Variants in ENTREP2 observed in about 807,000 individuals in gnomAD.
ENTREP2 encodes the protein endosomal transmembrane epsin interactor 2, also known as protein ENTREP2.
the ENTREP2 span, among the ~76,000 whole-genome samples, chr15:29,667,195 T>TC: frequency 5.3e-5 from 8 of 151,142 alleles, no homozygotes; most frequent in African/African-American, 1.2e-4. Context: ...TTCTTTCCTT[T>TC]TTTTTTTTTT....
At chr15:29,397,816 G>A in the ENTREP2 span, among the ~76,000 whole-genome samples, 1 of 152,042 alleles carries the variant, frequency 6.6e-6, no homozygotes, top group East Asian at 1.9e-4. Flanking sequence ...GAAAAAAGGG[G>A]GAACTTCCAA....
At chr15:29,208,039 G>T in the ENTREP2 span, among the ~76,000 whole-genome samples, 5 of 152,104 alleles carry the variant, frequency 3.3e-5, no homozygotes, top group African/African-American at 1.2e-4. Context: ...TCCCCTGGGG[G>T]GCTTACAAAT....
the ENTREP2 span, among the ~76,000 whole-genome samples, chr15:29,392,586 T>C: frequency 6.6e-6 from 1 of 152,216 alleles, no homozygotes. Context: ...CTCTAAAGAC[T>C]TTTGAGATCA....
At chr15:29,650,671 T>C in the ENTREP2 span, among the ~76,000 whole-genome samples, 1 of 152,080 alleles carries the variant, frequency 6.6e-6, no homozygotes, top group African/African-American at 2.4e-5. Flanking sequence ...GGTACAAATG[T>C]AGGTACACAA....
the ENTREP2 span, among the ~76,000 whole-genome samples, chr15:29,500,554 T>C: frequency 6.6e-6 from 1 of 151,878 alleles, no homozygotes; most frequent in Non-Finnish European, 1.5e-5. Flanking sequence ...AAAAATAAAA[T>C]ACAATATACT....
At chr15:29,440,029 G>A in the ENTREP2 span, among the ~76,000 whole-genome samples, 2 of 152,062 alleles carry the variant, frequency 1.3e-5, no homozygotes, top group African/African-American at 4.8e-5. Flanking sequence ...CCCAAATTGA[G>A]GGATATTCTA....
At chr15:29,588,128 T>A in the ENTREP2 span, among the ~76,000 whole-genome samples, 2 of 152,130 alleles carry the variant, frequency 1.3e-5, no homozygotes, top group East Asian at 3.9e-4. Context: ...GGCCTCCTGA[T>A]GAAAGAACAA....
At chr15:29,659,802 A>T in the ENTREP2 span, among the ~76,000 whole-genome samples, 7 of 147,146 alleles carry the variant, frequency 4.8e-5, no homozygotes, top group African/African-American at 7.4e-5. Context: ...ATGCCACTAT[A>T]TTTTTTTTTT....
At chr15:29,135,456 G>A in the ENTREP2 span, among the ~76,000 whole-genome samples, 178 of 152,028 alleles carry the variant, frequency 1.2e-3, no homozygotes, top group African/African-American at 2.8e-3. This position sits in a 1 kb window ranked among gnomAD's most constrained non-coding sequence, Gnocchi z 7.4. Context: ...TATGGGCCAC[G>A]TGACTTTTCC....
At chr15:29,126,493 T>A in the ENTREP2 span, 1 of 1,549,832 alleles carries the variant, frequency 6.5e-7, no homozygotes, top group Non-Finnish European at 8.7e-7. Flanking sequence ...CAGCTGGTAC[T>A]GCAAGAGAAG....
At chr15:29,441,902 G>C in the ENTREP2 span, among the ~76,000 whole-genome samples, 1 of 152,082 alleles carries the variant, frequency 6.6e-6, no homozygotes, top group Non-Finnish European at 1.5e-5. Flanking sequence ...TTCCTTTCCA[G>C]TCCAGGCCCA....
chr15:29,656,558 G>A, the ENTREP2 span, among the ~76,000 whole-genome samples: 2 of 152,150 alleles, frequency 1.3e-5, no homozygotes, highest in Non-Finnish European at 2.9e-5. Flanking sequence ...AATTCTGATA[G>A]CAGACAGAAA....
At chr15:29,657,482 G>T in the ENTREP2 span, among the ~76,000 whole-genome samples, 11 of 112,324 alleles carry the variant, frequency 9.8e-5, no homozygotes, top group Middle Eastern at 4.0e-3. Context: ...GGCTGGGGGG[G>T]CGGGGGGGGG....
the ENTREP2 span, among the ~76,000 whole-genome samples, chr15:29,325,498 T>TG: frequency 6.6e-6 from 1 of 151,988 alleles, no homozygotes; most frequent in Non-Finnish European, 1.5e-5. Flanking sequence ...ATTTGACAAA[T>TG]TAGAAAAAGG....
At chr15:29,570,986 C>A in the ENTREP2 span, among the ~76,000 whole-genome samples, 2 of 145,448 alleles carry the variant, frequency 1.4e-5, no homozygotes, top group Admixed American at 1.4e-4. Flanking sequence ...CCCTCCCCCG[C>A]CCGCCCCGCG....
the ENTREP2 span, among the ~76,000 whole-genome samples, chr15:29,655,797 G>C: frequency 1.3e-5 from 2 of 152,064 alleles, no homozygotes; most frequent in African/African-American, 4.8e-5. Flanking sequence ...AGGCCAAGGG[G>C]GGTGGATCAC....
the ENTREP2 span, among the ~76,000 whole-genome samples, chr15:29,214,861 G>A: frequency 1.3e-3 from 194 of 152,120 alleles, 1 homozygote; most frequent in Non-Finnish European, 2.3e-3. Context: ...ATGGCCTATC[G>A]GGCTATCTTG....
chr15:29,660,787 C>T, the ENTREP2 span, among the ~76,000 whole-genome samples: 1 of 152,194 alleles, frequency 6.6e-6, no homozygotes, highest in African/African-American at 2.4e-5. Context: ...CAGGTTTGAA[C>T]TGCGTGGGTC....
At chr15:29,128,705 A>G in the ENTREP2 span, 1 of 1,003,178 alleles carries the variant, frequency 1.0e-6, no homozygotes, top group South Asian at 1.4e-5. Context: ...AGAAGAGAAG[A>G]GAAGAGAATA....
Sources: allele counts gnomAD v4.1 joint callset (sites outside exome capture counted in the v4.1 genomes callset), GRCh38; gene constraint gnomAD v4.1.1; non-coding constraint Gnocchi (gnomAD v3.1); transcripts MANE v1.5; gene names NCBI Gene and HGNC (gene_info 2026-07-23, HGNC 2026-07-21).